PDE8A: variants seen among roughly 807,000 people sequenced by gnomAD.
The protein encoded by PDE8A is phosphodiesterase 8A, also known as high affinity cAMP-specific and IBMX-insensitive 3',5'-cyclic phosphodiesterase 8A.
A neutral mutation model predicts 105.0 loss-of-function variants in PDE8A; 59 were observed. The observed-to-expected ratio is 0.56, with a 90% CI of 0.46 to 0.70. The LOEUF (loss-of-function observed/expected upper bound fraction) is 0.70, where lower values mean the gene tolerates loss of function less well. Ranked by LOEUF, PDE8A falls within the 30% of genes least tolerant of loss-of-function variation. PDE8A has a pLI of 0.00. For missense variants in PDE8A, 1,014 were observed against 1,045.9 expected, an observed-to-expected ratio of 0.97 and a Z score of 0.42; for synonymous variants, 355 against 371.9, an observed-to-expected ratio of 0.95 and a Z score of 0.52.
chr15:85,099,342 T>C (rs1381180515), intron 9 of PDE8A, among the ~76,000 whole-genome samples: 4 of 152,248 alleles, frequency 2.6e-5, no homozygotes, highest in Non-Finnish European at 5.9e-5. Flanking sequence ...ACAGCTCACG[T>C]GCTTTGTCAC....
intron 15 of PDE8A, 108 bp downstream of exon 15, chr15:85,115,595 T>C (rs1393043412): frequency 3.3e-6 from 2 of 610,490 alleles, no homozygotes; most frequent in East Asian, 3.0e-5. Context: ...TGGTATGTCA[T>C]AAAGCCTCAG....
At chr15:85,133,870 G>T (rs1009105304) in intron 20 of PDE8A, among the ~76,000 whole-genome samples, 2 of 152,194 alleles carry the variant, frequency 1.3e-5, no homozygotes, top group South Asian at 4.1e-4. Context: ...CTCTGGCTGG[G>T]GCTGCTTGAC....
At chr15:85,065,775 G>A (rs1311960578) in intron 2 of PDE8A, among the ~76,000 whole-genome samples, 1 of 152,234 alleles carries the variant, frequency 6.6e-6, no homozygotes, top group African/African-American at 2.4e-5. Context: ...GAGCACGGGT[G>A]CTCCTGAACC....
At chr15:85,014,433 C>T (rs1407646355) in intron 1 of PDE8A, among the ~76,000 whole-genome samples, 2 of 152,140 alleles carry the variant, frequency 1.3e-5, no homozygotes, top group African/African-American at 2.4e-5. Context: ...CTCTCATTAA[C>T]TATGTGATAA....
chr15:85,126,095 T>C, intron 19 of PDE8A, 112 bp from the exon 20 acceptor site: 1 of 676,456 alleles, frequency 1.5e-6, no homozygotes, highest in Admixed American at 3.0e-5. Flanking sequence ...TGTGAGATCC[T>C]TATAGATCCT....
At chr15:85,103,052 CTG>C (rs569942246) in intron 11 of PDE8A, among the ~76,000 whole-genome samples, 35 of 152,066 alleles carry the variant, frequency 2.3e-4, no homozygotes, top group African/African-American at 7.0e-4. Flanking sequence ...GAAAACCTGT[CTG>C]TACCAAACAT....
intron 5 of PDE8A, 29 bp from the exon 6 acceptor site, chr15:85,083,527 A>G (rs753792746): frequency 7.2e-7 from 1 of 1,382,774 alleles, no homozygotes; most frequent in Admixed American, 1.7e-5. Flanking sequence ...ACTTTTGTTT[A>G]TCCACAAAAT....
intron 1 of PDE8A, among the ~76,000 whole-genome samples, chr15:85,054,683 G>T (rs1054734666): frequency 2.8e-4 from 43 of 152,084 alleles, no homozygotes; most frequent in African/African-American, 1.0e-3. Flanking sequence ...ATTTTCTATT[G>T]TGTCTATTTG....
At chr15:85,113,693 GTT>G (rs1159518421) in intron 13 of PDE8A, among the ~76,000 whole-genome samples, 178 bp from the exon 14 acceptor site, 1 of 152,104 alleles carries the variant, frequency 6.6e-6, no homozygotes, top group African/African-American at 2.4e-5. Flanking sequence ...GCTGTTATTT[GTT>G]TTTTAGAGAT....
chr15:85,041,404 A>G (rs942337656), intron 1 of PDE8A, among the ~76,000 whole-genome samples: 8 of 152,208 alleles, frequency 5.3e-5, no homozygotes, highest in Non-Finnish European at 1.2e-4. Context: ...GTGACCTGCC[A>G]TAGGAAGGCC....
At chr15:84,987,803 G>T (rs113749070) in intron 1 of PDE8A, among the ~76,000 whole-genome samples, 4 of 152,152 alleles carry the variant, frequency 2.6e-5, no homozygotes, top group East Asian at 3.9e-4. Flanking sequence ...ATAGGAGAAG[G>T]TTCATGATGT....
chr15:85,107,092 G>A (rs1466501253), intron 11 of PDE8A, among the ~76,000 whole-genome samples: 1 of 152,158 alleles, frequency 6.6e-6, no homozygotes, highest in Non-Finnish European at 1.5e-5. Context: ...CTGTTGGGGT[G>A]GTGTGGAGAG....
At chr15:85,011,510 G>A (rs935306234) in intron 1 of PDE8A, among the ~76,000 whole-genome samples, 3 of 152,138 alleles carry the variant, frequency 2.0e-5, no homozygotes, top group Admixed American at 6.6e-5. Flanking sequence ...CTGTCAATGT[G>A]TAAAAAATTA....
intron 9 of PDE8A, among the ~76,000 whole-genome samples, chr15:85,098,245 G>A (rs570253525): frequency 2.9e-4 from 44 of 152,240 alleles, no homozygotes; most frequent in Admixed American, 1.2e-3. Context: ...ACATACTCTG[G>A]GCAGTCTTGT....
chr15:85,065,318 T>A (rs2081205023), intron 2 of PDE8A, among the ~76,000 whole-genome samples: 1 of 114,750 alleles, frequency 8.7e-6, no homozygotes, highest in Admixed American at 1.1e-4. Flanking sequence ...AATATCACAC[T>A]CTGGGGACTG....
At position 85,088,875 on chromosome 15, in the gene PDE8A, T is replaced by C. The variant is rs978276684; in HGVS notation, c.636-463T>C. ...GAAAGCAGGAAGCAAAGCTAGTCTT[T>C]CCAGATGCCCTCAATTTTGTGAAAA... On this transcript the variant is annotated intron_variant, in intron 6 of 21. Coordinates refer to ENST00000394553, the MANE Select transcript of PDE8A (RefSeq NM_002605.3). Among the ~76,000 whole-genome samples the C allele has an allele frequency of 1.3e-4, 20 of 152,374 alleles. No homozygotes were observed. In the East Asian group the frequency reaches 2.1e-3, roughly 16 times the overall value.
chr15:85,125,202 A>G (rs1227891686), intron 19 of PDE8A, among the ~76,000 whole-genome samples: 2 of 152,168 alleles, frequency 1.3e-5, no homozygotes, highest in Admixed American at 6.5e-5. Context: ...CCACCCGTCC[A>G]TCTTGATGGC....
At chr15:85,042,995 A>T (rs1483176476) in intron 1 of PDE8A, among the ~76,000 whole-genome samples, 1 of 152,216 alleles carries the variant, frequency 6.6e-6, no homozygotes, top group Non-Finnish European at 1.5e-5. Flanking sequence ...ATTAAAGCTC[A>T]TTAGCCAACC....
intron 9 of PDE8A, among the ~76,000 whole-genome samples, chr15:85,099,299 C>T (rs1055964244): frequency 6.6e-5 from 10 of 152,228 alleles, no homozygotes; most frequent in African/African-American, 2.2e-4. Flanking sequence ...CAGCGTGAGG[C>T]GCAGCCAGGC....
Sources: gnomAD v4.1 joint callset for allele counts (sites outside exome capture counted in the v4.1 genomes callset) on GRCh38, gnomAD v4.1.1 for gene constraint, MANE v1.5 for transcripts, NCBI Gene and HGNC (gene_info 2026-07-23, HGNC 2026-07-21) for gene names.